The following ENTREP2 variants were observed in gnomAD, a reference collection of about 807,000 sequenced individuals.
ENTREP2 encodes the protein protein ENTREP2.
At chr15:29,226,895 T>A in the ENTREP2 span, among the ~76,000 whole-genome samples, 1 of 152,228 alleles carries the variant, frequency 6.6e-6, no homozygotes, top group Non-Finnish European at 1.5e-5. Flanking sequence ...AATTGGCTCA[T>A]TCAAATAATA....
the ENTREP2 span, among the ~76,000 whole-genome samples, chr15:29,511,315 A>AT: frequency 6.6e-6 from 1 of 150,384 alleles, no homozygotes; most frequent in Non-Finnish European, 1.5e-5. Flanking sequence ...AGTGTCAGAG[A>AT]TTTTACTTTT....
the ENTREP2 span, among the ~76,000 whole-genome samples, chr15:29,382,170 G>A: frequency 3.3e-5 from 5 of 151,562 alleles, no homozygotes; most frequent in South Asian, 2.1e-4. Flanking sequence ...GCTGAGGCAC[G>A]AGAATCACTT....
chr15:29,510,809 C>CAAA, the ENTREP2 span, among the ~76,000 whole-genome samples: 461 of 124,218 alleles, frequency 3.7e-3, 3 homozygotes, highest in Non-Finnish European at 6.2e-3. Flanking sequence ...GACTCCATCT[C>CAAA]AAAAAAAAAA....
chr15:29,527,820 G>C, the ENTREP2 span, among the ~76,000 whole-genome samples: 1 of 152,098 alleles, frequency 6.6e-6, no homozygotes, highest in Admixed American at 6.5e-5. Flanking sequence ...TGAATTCAAA[G>C]TAAGCCCCCC....
At chr15:29,477,449 T>C in the ENTREP2 span, among the ~76,000 whole-genome samples, 1 of 152,210 alleles carries the variant, frequency 6.6e-6, no homozygotes, top group African/African-American at 2.4e-5. Flanking sequence ...AGAGAAACTG[T>C]TGCTAGGAGA....
the ENTREP2 span, among the ~76,000 whole-genome samples, chr15:29,163,834 CA>C: frequency 6.6e-6 from 1 of 152,120 alleles, no homozygotes; most frequent in African/African-American, 2.4e-5. Flanking sequence ...AAATTCATTG[CA>C]AAAAGATCAT....
the ENTREP2 span, among the ~76,000 whole-genome samples, chr15:29,639,417 CG>C: frequency 6.6e-6 from 1 of 151,998 alleles, no homozygotes; most frequent in Non-Finnish European, 1.5e-5. Context: ...AAAAGTCAGA[CG>C]TAACAATTAA....
chr15:29,265,260 A>C, the ENTREP2 span: 2 of 152,226 alleles, frequency 1.3e-5, no homozygotes, highest in African/African-American at 2.4e-5. Flanking sequence ...GCTTCTTTTC[A>C]ATAATATATT....
chr15:29,251,268 C>A, the ENTREP2 span, among the ~76,000 whole-genome samples: 2 of 152,228 alleles, frequency 1.3e-5, no homozygotes, highest in Non-Finnish European at 2.9e-5. Context: ...TCCCCATACC[C>A]AGGGAACCAC....
At chr15:29,674,428 C>A in the ENTREP2 span, among the ~76,000 whole-genome samples, 3 of 152,086 alleles carry the variant, frequency 2.0e-5, no homozygotes, top group African/African-American at 7.2e-5. Flanking sequence ...CGCCACCATG[C>A]CCAGCTAATT....
At chr15:29,620,753 T>C in the ENTREP2 span, among the ~76,000 whole-genome samples, 4 of 152,146 alleles carry the variant, frequency 2.6e-5, 1 homozygote, top group African/African-American at 9.7e-5. Flanking sequence ...GCCTGGCTGT[T>C]TCTGAGCCAC....
At chr15:29,156,211 G>A in the ENTREP2 span, among the ~76,000 whole-genome samples, 2 of 151,862 alleles carry the variant, frequency 1.3e-5, no homozygotes, top group South Asian at 4.2e-4. Flanking sequence ...TTTTGAGATG[G>A]AGTCTTGCTC....
At chr15:29,608,217 T>G in the ENTREP2 span, among the ~76,000 whole-genome samples, 2 of 152,140 alleles carry the variant, frequency 1.3e-5, no homozygotes, top group Non-Finnish European at 2.9e-5. Context: ...TTTGCATCCT[T>G]CAATCCAATC....
chr15:29,550,407 A>G, the ENTREP2 span, among the ~76,000 whole-genome samples: 1 of 152,226 alleles, frequency 6.6e-6, no homozygotes, highest in Non-Finnish European at 1.5e-5. Flanking sequence ...CATTTATTCC[A>G]TTTATTGCAA....
At chr15:29,130,757 T>C in the ENTREP2 span, among the ~76,000 whole-genome samples, 1 of 152,122 alleles carries the variant, frequency 6.6e-6, no homozygotes, top group Non-Finnish European at 1.5e-5. Context: ...ATGTGGCCCT[T>C]CCCTGATGTC....
At chr15:29,264,901 A>G in the ENTREP2 span, 3 of 152,170 alleles carry the variant, frequency 2.0e-5, no homozygotes, top group Non-Finnish European at 4.4e-5. Context: ...AAATTTTATC[A>G]ACAACTGTTT....
chr15:29,477,921 A>G, the ENTREP2 span, among the ~76,000 whole-genome samples: 1 of 151,340 alleles, frequency 6.6e-6, no homozygotes, highest in African/African-American at 2.4e-5. Context: ...CAGAAGCACA[A>G]CACAAGCCTT....
chr15:29,168,237 G>A, the ENTREP2 span, among the ~76,000 whole-genome samples: 1 of 152,066 alleles, frequency 6.6e-6, no homozygotes, highest in African/African-American at 2.4e-5. Context: ...TATACTGCTC[G>A]GGTGTTGAGT....
At chr15:29,212,511 T>C in the ENTREP2 span, among the ~76,000 whole-genome samples, 2 of 152,190 alleles carry the variant, frequency 1.3e-5, no homozygotes, top group East Asian at 3.8e-4. Flanking sequence ...TCCTTTCTTT[T>C]TCTGGGTTTG....
Sources: allele counts gnomAD v4.1 joint callset (sites outside exome capture counted in the v4.1 genomes callset), GRCh38; gene constraint gnomAD v4.1.1; transcripts MANE v1.5; gene names NCBI Gene and HGNC (gene_info 2026-07-23, HGNC 2026-07-21).